The following ATP1A2 variants were observed in gnomAD, a reference collection of about 807,000 sequenced individuals.
The protein encoded by ATP1A2 is ATPase Na+/K+ transporting subunit alpha 2.
Under a neutral mutation model 113.1 loss-of-function variants are expected in ATP1A2, and 56 were observed. The observed-to-expected ratio is 0.49, with a 90% CI of 0.40 to 0.62. The LOEUF is 0.62. ATP1A2 is among the 20% of genes least tolerant of loss of function. ATP1A2 has a pLI of 0.00. For missense variants in ATP1A2, 712 were observed against 1,357.8 expected (o/e 0.52, Z 7.47); for synonymous variants, 490 against 526.8 (o/e 0.93, Z 0.96).
intron 20 of ATP1A2, 39 bp from the exon 21 acceptor site, chr1:160,139,601 A>T (rs774126333): frequency 1.9e-6 from 3 of 1,583,128 alleles, no homozygotes; most frequent in East Asian, 2.2e-5. Context: ...TGCCTCCATG[A>T]TCCCCCTTCA....
chr1:160,126,604 G>A (rs1031359514), intron 7 of ATP1A2, among the ~76,000 whole-genome samples: 2 of 152,032 alleles, frequency 1.3e-5, no homozygotes, highest in Non-Finnish European at 2.9e-5. Flanking sequence ...GAGTATTTGG[G>A]ACTACAGGCG....
intron 1 of ATP1A2, among the ~76,000 whole-genome samples, chr1:160,116,450 C>T (rs1310820140): frequency 6.6e-6 from 1 of 151,940 alleles, no homozygotes; most frequent in African/African-American, 2.4e-5. Flanking sequence ...CCAGCCCCCA[C>T]CCCAGCACCC....
At position 160,141,648 on chromosome 1, in the gene ATP1A2, T is replaced by C; in HGVS notation, c.*326T>C. ...CCCACTCCCATCCCTTCAACCCCAC[T>C]TCCTACTGTAATAGATCAGCATCCA... On this transcript the variant is annotated 3_prime_UTR_variant, in exon 23 of 23. Transcript: ENST00000361216. 2.5e-6 allele frequency: 1 copy of C among 401,566 alleles called. No homozygotes were observed. Among genetic ancestry groups the C allele is most frequent in the East Asian group, 5.3e-5 (1 of 19,012 alleles). The allele number at this position is 401,566 out of a possible 1,614,324, so 24.9% of individuals were successfully genotyped here.
chr1:160,135,224 C>T lies in ATP1A2; in HGVS notation c.2044C>T (p.His682Tyr). 6.2e-7 allele frequency: 1 copy of T among 1,614,196 alleles called. No homozygotes were observed. The highest frequency in any genetic ancestry group is 8.5e-7 in the Non-Finnish European group (1 of 1,180,034). ...GCAGCTCGATGAGATCCTCAAGAAC[C>T]ACACAGAGATCGTCTTTGCTCGAAC... Reference protein sequence around the residue: ...SEQLDEILKNHTEIVFARTSP... With the variant: ...SEQLDEILKNYTEIVFARTSP... Residue 682 changes from histidine to tyrosine, a missense_variant, in exon 15 of 23, where the codon CAC (histidine) becomes TAC (tyrosine). Physicochemically the swap from His to Tyr is moderately conservative, Grantham distance 83. Around this residue, in one of 6 missense-constraint regions of ATP1A2, gnomAD observed 263 missense variants for 380.6 expected, o/e 0.69. Coordinates refer to ENST00000361216, the MANE Select transcript of ATP1A2 (RefSeq NM_000702.4). This position sits in a 1 kb window ranked among gnomAD's most constrained non-coding sequence, Gnocchi z 6.3.
At chr1:160,124,157 AAAAG>A in intron 5 of ATP1A2, 101 bp downstream of exon 5, 1 of 1,566,240 alleles carries the variant, frequency 6.4e-7, no homozygotes, top group Non-Finnish European at 8.7e-7. Context: ...AGATGGACAG[AAAAG>A]ATCCTCCAGC....
intron 7 of ATP1A2, among the ~76,000 whole-genome samples, chr1:160,126,281 C>A (rs548477110): frequency 1.3e-5 from 2 of 152,104 alleles, no homozygotes; most frequent in African/African-American, 4.8e-5. Flanking sequence ...ACTTATAATA[C>A]CGAGTGCAAT....
chr1:160,117,892 C>T (rs2101981496), intron 1 of ATP1A2, among the ~76,000 whole-genome samples: 1 of 151,878 alleles, frequency 6.6e-6, no homozygotes, highest in East Asian at 1.9e-4. Flanking sequence ...AAAAAGGACT[C>T]TCTGTTCTCC....
intron 7 of ATP1A2, among the ~76,000 whole-genome samples, chr1:160,126,936 G>A (rs1157510406): frequency 6.6e-6 from 1 of 152,126 alleles, no homozygotes; most frequent in Non-Finnish European, 1.5e-5. Context: ...CTATGTTCCA[G>A]GCACTGGCCT....
chr1:160,123,302 G>A lies in ATP1A2; in HGVS notation c.267G>A (p.Lys89=), dbSNP rs771511480. Residue 89 remains lysine (K), a synonymous_variant, in exon 4 of 23, where the codon AAG becomes AAA. Coordinates refer to ENST00000361216, the MANE Select transcript of ATP1A2 (RefSeq NM_000702.4). ...TPPPTTPEWV[K]FCRQLFGGFS... is the part of the protein sequence containing the mutation. ...CTCCCACAACCCCTGAGTGGGTCAA[G>A]TTCTGCCGTCAGCTTTTCGGGGGGT... 6.2e-7 allele frequency: 1 copy of A among 1,614,254 alleles called. No individual in the cohort carries two copies. The highest frequency in any genetic ancestry group is 1.1e-5 in the South Asian group (1 of 91,086).
At position 160,130,155 on chromosome 1, in the gene ATP1A2, G is replaced by T; in HGVS notation, c.1515G>T (p.Lys505Asn). The change falls in exon 12 of 23, where the codon AAG (lysine) becomes AAT (asparagine). Residue 505 changes from lysine (K) to asparagine (N), a missense_variant. This residue lies in a region of ATP1A2 where 263 missense variants were observed against 380.6 expected (regional missense o/e 0.69). Transcript: ENST00000361216. ...DSPQSHVLVMKGAPERILDRC... is the reference protein window; with the variant it reads ...DSPQSHVLVMNGAPERILDRC... ...CCCAGAGCCACGTGCTGGTGATGAA[G>T]GGGGCCCCAGAGCGCATTCTGGACC... 6.2e-7 allele frequency: 1 copy of T among 1,614,198 alleles called. No individual in the cohort carries two copies. Among genetic ancestry groups the T allele is most frequent in the African/African-American group, 1.3e-5 (1 of 75,036 alleles).
chr1:160,139,444 C>T (rs1047744180), intron 20 of ATP1A2, among the ~76,000 whole-genome samples, 196 bp from the exon 21 acceptor site: 1 of 152,190 alleles, frequency 6.6e-6, no homozygotes, highest in African/African-American at 2.4e-5. Flanking sequence ...AACATTCGGA[C>T]GTAAACTCAG....
chr1:160,129,558 T>C (rs1651702337), intron 11 of ATP1A2, among the ~76,000 whole-genome samples, 158 bp downstream of exon 11: 1 of 152,078 alleles, frequency 6.6e-6, no homozygotes, highest in Non-Finnish European at 1.5e-5. Context: ...TGACTGCATG[T>C]CTGATTGCAA....
Position 160,123,175 on chromosome 1 carries a change from C to A in ATP1A2, c.178-38C>A, listed in dbSNP as rs568448684. 4.3e-5 allele frequency: 70 copies of A among 1,611,650 alleles called. No homozygotes were observed. The South Asian group carries it at 7.5e-4, about 17-fold the overall frequency. On this transcript the variant is annotated intron_variant, in intron 3 of 22. Coordinates refer to ENST00000361216, the MANE Select transcript of ATP1A2 (RefSeq NM_000702.4). Reference sequence around the variant, plus strand: ...GGCATGGTGACTGGCTGGGTTGGCTCCGGATGCGTGCCCCTACGCCTCTCC... The same window carrying A: ...GGCATGGTGACTGGCTGGGTTGGCTACGGATGCGTGCCCCTACGCCTCTCC...
chr1:160,131,110 C>T (rs10908759), intron 13 of ATP1A2, among the ~76,000 whole-genome samples: 123,682 of 152,000 alleles, frequency 0.81, 50,638 homozygotes, highest in Non-Finnish European at 0.87. Context: ...CAAATATTTA[C>T]TGTTTACTAT....
chr1:160,137,051 G>A lies in ATP1A2; in HGVS notation c.2840+20G>A, dbSNP rs1388048560. On this transcript the variant is annotated intron_variant, in intron 20 of 22. Coordinates refer to ENST00000361216, the MANE Select transcript of ATP1A2 (RefSeq NM_000702.4). ...CATGAAGTGAGTGCCCACCCCCATG[G>A]CACCTACCCACCCAGGCTCTGGGCA... is the stretch of plus-strand genomic sequence containing the variant. 2.5e-6 allele frequency: 4 copies of A among 1,613,456 alleles called. No homozygotes were observed. The African/African-American group carries it at 5.4e-5, about 22-fold the overall frequency.
At position 160,143,500 on chromosome 1, in the gene ATP1A2, A is replaced by T. The variant is rs1652217583; in HGVS notation, c.*2178A>T. The T allele has an allele frequency of 6.6e-6, 1 of 152,634 alleles. No homozygotes were observed. Among genetic ancestry groups the T allele is most frequent in the South Asian group, 2.1e-4 (1 of 4,832 alleles). 9.5% of individuals were successfully genotyped at this position (152,634 alleles called of 1,614,324 possible). The stretch of plus-strand genomic sequence containing the variant: ...TATTTGTTAAAGAAACATCTACAGG[A>T]TCTTTATTGGTGACCTTTTGTAAGA... On this transcript the variant is annotated 3_prime_UTR_variant, in exon 23 of 23. Coordinates refer to ENST00000361216, the MANE Select transcript of ATP1A2 (RefSeq NM_000702.4).
intron 3 of ATP1A2, among the ~76,000 whole-genome samples, chr1:160,121,760 A>G (rs532117830): frequency 2.6e-5 from 4 of 152,264 alleles, no homozygotes; most frequent in Non-Finnish European, 4.4e-5. Context: ...GAGGGAGAGT[A>G]ACTTCCCAAG....
chr1:160,133,859 C>T (rs1651837460), intron 13 of ATP1A2, among the ~76,000 whole-genome samples: 1 of 152,086 alleles, frequency 6.6e-6, no homozygotes, highest in South Asian at 2.1e-4. Flanking sequence ...AGATTTGAGG[C>T]TTCTCTTCCA....
intron 11 of ATP1A2, 50 bp from the exon 12 acceptor site, chr1:160,130,052 G>T: frequency 6.2e-7 from 1 of 1,611,158 alleles, no homozygotes; most frequent in Non-Finnish European, 8.5e-7. Flanking sequence ...TCTATGCCGC[G>T]CTACCAAGAC....
Sources: allele counts gnomAD v4.1 joint callset (sites outside exome capture counted in the v4.1 genomes callset), GRCh38; gene constraint gnomAD v4.1.1; regional missense constraint gnomAD v4.1.1; non-coding constraint Gnocchi (gnomAD v3.1); transcripts MANE v1.5; gene names NCBI Gene and HGNC (gene_info 2026-07-23, HGNC 2026-07-21).